The following ZNF385D variants were observed in gnomAD, a reference collection of about 807,000 sequenced individuals.
ZNF385D encodes the protein zinc finger protein 385D.
A neutral mutation model predicts 35.8 loss-of-function variants in ZNF385D; 15 were observed. The ratio of observed to expected loss-of-function variants is 0.42; its 90% CI spans 0.28 to 0.64. The LOEUF is 0.64. ZNF385D is among the 30% of genes least tolerant of loss of function. The pLI is 0.23. For missense variants in ZNF385D, 474 were observed against 494.6 expected (o/e 0.96, Z 0.39); for synonymous variants, 212 against 186.8 (o/e 1.13, Z -1.10).
At chr3:22,128,781 A>G (rs1366975158) in intron 3 of ZNF385D, among the ~76,000 whole-genome samples, 2 of 152,158 alleles carry the variant, frequency 1.3e-5, no homozygotes, top group African/African-American at 4.8e-5. Context: ...AATTTATATA[A>G]GATTTTGAAT....
rs112729889 is a variant in ZNF385D, at chr3:21,921,888, T to G, written c.325+246929A>C. Among the ~76,000 whole-genome samples, 523 of 144,948 alleles carry G rather than the reference T, an allele frequency of 3.6e-3. 2 individuals carry two copies. The highest frequency in any genetic ancestry group is 0.013 in the African/African-American group (498 of 39,412). ...CAACCAAAAGATGCCCTAGAACAGA[T>G]AGATTCACAGCCAAATTCTACAAGA... On this transcript the variant is annotated intron_variant, in intron 3 of 5. Coordinates refer to the ZNF385D transcript ENST00000494108.
At chr3:21,652,836 A>G (rs1207826295) in intron 2 of ZNF385D, among the ~76,000 whole-genome samples, 1 of 152,240 alleles carries the variant, frequency 6.6e-6, no homozygotes, top group Non-Finnish European at 1.5e-5. Flanking sequence ...TCTAAAATAC[A>G]AAAGCTATAT....
At chr3:21,935,437 A>G (rs896391369) in intron 3 of ZNF385D, among the ~76,000 whole-genome samples, 1 of 152,170 alleles carries the variant, frequency 6.6e-6, no homozygotes, top group African/African-American at 2.4e-5. Flanking sequence ...GGACATAGAT[A>G]TAAAGTAATT....
chr3:21,795,873 TAACA>T (rs968800519), intron 3 of ZNF385D, among the ~76,000 whole-genome samples: 72 of 152,208 alleles, frequency 4.7e-4, no homozygotes, highest in Non-Finnish European at 7.9e-4. Context: ...ATATGATTTT[TAACA>T]AACAAAAGAA....
intron 5 of ZNF385D, among the ~76,000 whole-genome samples, chr3:21,435,604 G>A (rs1460284685): frequency 3.3e-5 from 5 of 152,076 alleles, no homozygotes; most frequent in Non-Finnish European, 7.4e-5. Flanking sequence ...GACATGGTGT[G>A]TTTATCTGTC....
chr3:22,275,498 G>T (rs1701381690), intron 2 of ZNF385D, among the ~76,000 whole-genome samples: 1 of 151,348 alleles, frequency 6.6e-6, no homozygotes, highest in Non-Finnish European at 1.5e-5. Context: ...CTTTACTTGT[G>T]CTGAAGTTAA....
In ZNF385D at chr3:21,769,769, G is replaced by A. The variant is rs530937046; in HGVS notation, c.326-104741C>T. On this transcript the variant is annotated intron_variant, in intron 3 of 5. Coordinates refer to the ZNF385D transcript ENST00000494108. ...TTCATATGGAACCAAAAAAGAGCCC[G>A]CATTGCCAAGTCAATCCTAAGCCAA... Among the ~76,000 whole-genome samples the A allele has an allele frequency of 7.2e-5, 10 of 138,372 alleles. No individual in the cohort carries two copies. In the South Asian group the frequency reaches 1.2e-3, roughly 17 times the overall value. 90.8% of individuals were successfully genotyped at this position (138,372 alleles called of 152,430 possible).
chr3:21,661,691 GAT>G (rs2125250284), intron 2 of ZNF385D, among the ~76,000 whole-genome samples: 1 of 152,288 alleles, frequency 6.6e-6, no homozygotes, highest in South Asian at 2.1e-4. Context: ...AACATCAAGG[GAT>G]ACATTTCTAG....
At position 22,228,076 on chromosome 3, in the gene ZNF385D, C is replaced by T. The variant is rs188510399; in HGVS notation, c.107-59041G>A. On this transcript the variant is annotated intron_variant, in intron 2 of 5. Coordinates refer to the ZNF385D transcript ENST00000494108. ...TATGAAGGGATGAAGACAGCGGAGA[C>T]GGTGGTGATTGACAGAGAGGCAAGA... Among the ~76,000 whole-genome samples the T allele has an allele frequency of 1.2e-4, 18 of 152,212 alleles. No homozygotes were observed. The South Asian group carries it at 1.2e-3, about 11-fold the overall frequency.
chr3:21,675,938 A>G (rs1472508983), intron 1 of ZNF385D, among the ~76,000 whole-genome samples: 1 of 152,116 alleles, frequency 6.6e-6, no homozygotes, highest in Non-Finnish European at 1.5e-5. Flanking sequence ...ATTCTACTTA[A>G]TGATGATAGC....
chr3:22,156,748 A>G (rs1198025839), intron 3 of ZNF385D, among the ~76,000 whole-genome samples: 1 of 151,994 alleles, frequency 6.6e-6, no homozygotes, highest in East Asian at 1.9e-4. Flanking sequence ...TTCTAACTAA[A>G]TGTTACTGTA....
intron 3 of ZNF385D, among the ~76,000 whole-genome samples, chr3:22,011,552 A>G (rs562267749): frequency 2.0e-5 from 3 of 152,066 alleles, no homozygotes; most frequent in Non-Finnish European, 4.4e-5. Flanking sequence ...TTCCTTAGAA[A>G]TTTTTCATTT....
chr3:21,993,867 TA>T (rs1233846978), intron 3 of ZNF385D, among the ~76,000 whole-genome samples: 6 of 152,132 alleles, frequency 3.9e-5, no homozygotes, highest in Non-Finnish European at 4.4e-5. Flanking sequence ...GAAAAATGAG[TA>T]ACATCTCCTT....
chr3:22,009,618 G>C, intron 3 of ZNF385D, among the ~76,000 whole-genome samples: 1 of 105,046 alleles, frequency 9.5e-6, no homozygotes, highest in Admixed American at 8.9e-5. Context: ...GTGAGACTCT[G>C]TCTCAAAAAA....
At chr3:21,642,230 G>C (rs2065628968) in intron 2 of ZNF385D, among the ~76,000 whole-genome samples, 1 of 151,966 alleles carries the variant, frequency 6.6e-6, no homozygotes, top group Non-Finnish European at 1.5e-5. Context: ...TCCAAAAAAC[G>C]CTTTGCATTC....
At chr3:21,630,086 A>C (rs1409254512) in intron 2 of ZNF385D, among the ~76,000 whole-genome samples, 1 of 152,156 alleles carries the variant, frequency 6.6e-6, no homozygotes, top group South Asian at 2.1e-4. Context: ...ATACAGAGGA[A>C]AATTAAGATG....
intron 2 of ZNF385D, among the ~76,000 whole-genome samples, chr3:21,636,579 G>A (rs2065457998): frequency 6.6e-6 from 1 of 151,192 alleles, no homozygotes; most frequent in Non-Finnish European, 1.5e-5. Flanking sequence ...ATGTAGCCTG[G>A]GAGGTTAAGC....
chr3:22,293,357 CCTT>C (rs1702402453), intron 2 of ZNF385D, among the ~76,000 whole-genome samples: 1 of 152,078 alleles, frequency 6.6e-6, no homozygotes, highest in South Asian at 2.1e-4. Context: ...TAGTATCTCT[CCTT>C]CTCTCCATAA....
intron 2 of ZNF385D, among the ~76,000 whole-genome samples, chr3:22,266,936 G>A (rs528921233): frequency 2.0e-5 from 3 of 151,910 alleles, no homozygotes; most frequent in South Asian, 2.1e-4. Context: ...CTTTCCTTCC[G>A]AGGATATGTA....
Sources: gnomAD v4.1 joint callset for allele counts (sites outside exome capture counted in the v4.1 genomes callset) on GRCh38, gnomAD v4.1.1 for gene constraint, MANE v1.5 for transcripts, NCBI Gene and HGNC (gene_info 2026-07-23, HGNC 2026-07-21) for gene names.